Variants in CNTN6 observed in about 807,000 individuals in gnomAD.
The protein encoded by CNTN6 is contactin-6.
In CNTN6, 137 loss-of-function variants were observed where a neutral mutation model predicts 122.8. The ratio of observed to expected loss-of-function variants is 1.12; its 90% CI spans 0.97 to 1.29. The LOEUF (loss-of-function observed/expected upper bound fraction) is 1.29, where lower values mean the gene tolerates loss of function less well. Ranked by LOEUF, CNTN6 falls within the 50% of genes most tolerant of loss-of-function variation. CNTN6 has a pLI of 0.00. For missense variants in CNTN6, 1,634 were observed against 1,223.4 expected, an observed-to-expected ratio of 1.34 and a Z score of -5.01; for synonymous variants, 570 against 426.0, an observed-to-expected ratio of 1.34 and a Z score of -4.16.
chr3:1,335,185 C>G (rs1168807876), intron 11 of CNTN6, among the ~76,000 whole-genome samples: 1 of 152,128 alleles, frequency 6.6e-6, no homozygotes, highest in Non-Finnish European at 1.5e-5. Context: ...GTACTTGTCT[C>G]TCTGATGAGG....
intron 2 of CNTN6, among the ~76,000 whole-genome samples, chr3:1,169,887 A>T (rs2093328374): frequency 6.6e-6 from 1 of 152,184 alleles, no homozygotes; most frequent in South Asian, 2.1e-4. Flanking sequence ...TTTTCTTACA[A>T]TTTTCAAGTG....
chr3:1,259,637 A>G (rs2094812698), intron 4 of CNTN6, among the ~76,000 whole-genome samples: 2 of 152,138 alleles, frequency 1.3e-5, no homozygotes, highest in African/African-American at 4.8e-5. Context: ...GTGAACTTAC[A>G]TGAGTTGAGT....
At chr3:1,252,738 C>A (rs1436683990) in intron 4 of CNTN6, among the ~76,000 whole-genome samples, 2 of 152,014 alleles carry the variant, frequency 1.3e-5, no homozygotes, top group Non-Finnish European at 2.9e-5. Context: ...TTTGTGGATA[C>A]CACACTCAAG....
intron 2 of CNTN6, among the ~76,000 whole-genome samples, chr3:1,165,029 T>A (rs2093215466): frequency 6.6e-6 from 1 of 152,198 alleles, no homozygotes; most frequent in South Asian, 2.1e-4. Flanking sequence ...TTCAGTGGTA[T>A]CATATATAGT....
intron 20 of CNTN6, chr3:1,401,152 A>G (rs1695647564): frequency 3.1e-6 from 1 of 323,672 alleles, no homozygotes; most frequent in South Asian, 3.3e-5. Context: ...TATATATGAT[A>G]AAGTAAACAA....
rs184020074 is a variant in CNTN6, at chr3:1,184,776, C to T, written c.56-35911C>T. Among the ~76,000 whole-genome samples the T allele has an allele frequency of 1.4e-4, 21 of 152,140 alleles. 1 individual carries two copies. Among genetic ancestry groups the T allele is most frequent in the African/African-American group, 4.8e-4 (20 of 41,532 alleles). On this transcript the variant is annotated intron_variant, in intron 2 of 22. Transcript: ENST00000446702. Reference sequence around the variant, plus strand: ...CTAAATATAGTCTGACTGAAACTTACGTAGCCCAGGCATTAAGTACATATT... The same window carrying T: ...CTAAATATAGTCTGACTGAAACTTATGTAGCCCAGGCATTAAGTACATATT...
chr3:1,245,312 ATATATAT>A lies in CNTN6; in HGVS notation c.358+17320_358+17326del, dbSNP rs1439813704. ...ATATATAACATATATATATATATAT[ATATATAT>A]ATATATATATATATATAGCATGGAA... On this transcript the variant is annotated intron_variant, in intron 4 of 22. Coordinates refer to ENST00000446702, the MANE Select transcript of CNTN6 (RefSeq NM_001289080.2). 7.4e-3 allele frequency among the ~76,000 whole-genome samples: 143 copies of A among 19,212 alleles called. 26 individuals are homozygous for A. The highest frequency in any genetic ancestry group is 0.013 in the Admixed American group (13 of 976). 12.6% of individuals were successfully genotyped at this position (19,212 alleles called of 152,430 possible). A position where few individuals can be genotyped will look rare whatever the true frequency, so the allele number is the denominator to read the frequency against.
intron 8 of CNTN6, 113 bp from the exon 9 acceptor site, chr3:1,325,702 C>G: frequency 6.5e-6 from 7 of 1,079,154 alleles, no homozygotes; most frequent in South Asian, 1.9e-5. Flanking sequence ...TGTGTGCAAT[C>G]CAACTGGACC....
intron 7 of CNTN6, among the ~76,000 whole-genome samples, chr3:1,309,490 T>C (rs1698900267): frequency 6.6e-6 from 1 of 152,206 alleles, no homozygotes; most frequent in Non-Finnish European, 1.5e-5. Flanking sequence ...CTCTGTCTAT[T>C]CTTTTGCCAT....
chr3:1,288,996 C>G (rs778746485), intron 5 of CNTN6, among the ~76,000 whole-genome samples: 29 of 152,214 alleles, frequency 1.9e-4, no homozygotes, highest in Non-Finnish European at 7.3e-5. Flanking sequence ...TATCATTCAG[C>G]TCTAATGCTA....
intron 12 of CNTN6, among the ~76,000 whole-genome samples, chr3:1,367,801 T>C (rs934918355): frequency 2.6e-5 from 4 of 151,986 alleles, no homozygotes; most frequent in African/African-American, 7.2e-5. Context: ...GGGATGGAGA[T>C]AATGGTGGTA....
intron 13 of CNTN6, 22 bp downstream of exon 13, chr3:1,372,496 G>T (rs377714856): frequency 2.0e-5 from 31 of 1,571,232 alleles, no homozygotes. Flanking sequence ...AAATTGTTAA[G>T]TGCTTAATAA....
chr3:1,211,078 T>A (rs7642685), intron 2 of CNTN6, among the ~76,000 whole-genome samples: 66,432 of 152,036 alleles, frequency 0.44, 15,350 homozygotes, highest in African/African-American at 0.6. Flanking sequence ...CAACTCACAC[T>A]AATGGAAAAT....
At chr3:1,387,835 A>G (rs1450281597) in intron 20 of CNTN6, among the ~76,000 whole-genome samples, 1 of 151,858 alleles carries the variant, frequency 6.6e-6, no homozygotes, top group African/African-American at 2.4e-5. Flanking sequence ...CTCCCACCCG[A>G]ATATTGCGCT....
chr3:1,197,289 C>T (rs924574221), intron 2 of CNTN6, among the ~76,000 whole-genome samples: 1 of 152,178 alleles, frequency 6.6e-6, no homozygotes, highest in Non-Finnish European at 1.5e-5. Flanking sequence ...ACTGAAGCAG[C>T]TCCTGGTTAA....
intron 11 of CNTN6, among the ~76,000 whole-genome samples, chr3:1,344,017 T>C (rs960093844): frequency 1.6e-4 from 24 of 152,260 alleles, no homozygotes; most frequent in African/African-American, 5.5e-4. Flanking sequence ...AGATAATGAC[T>C]CAGTAGAAAA....
chr3:1,376,617 T>C (rs1483150590), intron 16 of CNTN6, among the ~76,000 whole-genome samples: 1 of 150,620 alleles, frequency 6.6e-6, no homozygotes. Context: ...AGTTTGTTTA[T>C]TGAAAAAAAA....
At chr3:1,139,966 T>A (rs1467088149) in intron 1 of CNTN6, among the ~76,000 whole-genome samples, 1 of 152,186 alleles carries the variant, frequency 6.6e-6, no homozygotes, top group Non-Finnish European at 1.5e-5. Context: ...TTACTGTTGG[T>A]CCTCAAGGAC....
intron 20 of CNTN6, among the ~76,000 whole-genome samples, chr3:1,390,714 T>C (rs1322886199): frequency 6.6e-6 from 1 of 151,824 alleles, no homozygotes; most frequent in Non-Finnish European, 1.5e-5. Context: ...TAAAAAATGA[T>C]AAAGGGGATA....
Sources: allele counts gnomAD v4.1 joint callset (sites outside exome capture counted in the v4.1 genomes callset), GRCh38; gene constraint gnomAD v4.1.1; transcripts MANE v1.5; gene names NCBI Gene and HGNC (gene_info 2026-07-23, HGNC 2026-07-21).